ZNF430: variants seen among roughly 807,000 people sequenced by gnomAD.
The protein encoded by ZNF430 is zinc finger protein 430.
ZNF430 carries 35 observed loss-of-function variants against 56.7 expected under a neutral mutation model. That is an observed-to-expected ratio of 0.62 (90% CI 0.47 to 0.82). ZNF430 has a LOEUF of 0.82. ZNF430 is among the 40% of genes least tolerant of loss of function. The pLI is 0.00. For missense variants in ZNF430, 574 were observed against 661.0 expected, an observed-to-expected ratio of 0.87 and a Z score of 1.44; for synonymous variants, 212 against 224.3, an observed-to-expected ratio of 0.94 and a Z score of 0.49.
At position 21,041,418 on chromosome 19, in the gene ZNF430, A is replaced by G. The variant is rs540594808; in HGVS notation, c.322+7234A>G. ...CAAAGTCCTGAGATTACTTTTTTTT[A>G]TTAAGTAGTTTAATTAATTTATATT... On this transcript the variant is annotated intron_variant, in intron 4 of 4. Coordinates refer to ENST00000261560, the MANE Select transcript of ZNF430 (RefSeq NM_025189.4). Among the ~76,000 whole-genome samples, 47 of 152,208 alleles carry G rather than the reference A, an allele frequency of 3.1e-4. 1 individual carries two copies. The highest frequency in any genetic ancestry group is 1.0e-3 in the African/African-American group (42 of 41,562).
chr19:21,033,304 A>C (rs1967935038), intron 2 of ZNF430, 152 bp from the exon 3 acceptor site: 1 of 295,182 alleles, frequency 3.4e-6, no homozygotes, highest in Non-Finnish European at 5.1e-6. Flanking sequence ...CCTCTGTCTC[A>C]AAAAAAAAAA....
At chr19:21,054,761 G>T (rs951976169) in intron 4 of ZNF430, among the ~76,000 whole-genome samples, 2 of 129,200 alleles carry the variant, frequency 1.5e-5, no homozygotes, top group Non-Finnish European at 3.1e-5. Context: ...TATAAGCTCC[G>T]CCTCCCCGGT....
chr19:21,020,862 A>G, intron 1 of ZNF430, 59 bp downstream of exon 1: 2 of 1,611,342 alleles, frequency 1.2e-6, no homozygotes, highest in Admixed American at 1.7e-5. Context: ...AATGGGTGGG[A>G]AGTGGCTGTG....
chr19:21,045,766 T>G (rs1488828014), intron 4 of ZNF430, among the ~76,000 whole-genome samples: 1 of 152,196 alleles, frequency 6.6e-6, no homozygotes, highest in African/African-American at 2.4e-5. Flanking sequence ...CTTGAATTGA[T>G]TCCTTTAGCA....
intron 4 of ZNF430, among the ~76,000 whole-genome samples, chr19:21,042,548 G>A (rs1190959163): frequency 1.3e-5 from 2 of 152,160 alleles, no homozygotes. Context: ...AGCACTTTGG[G>A]GGTGCCGAGG....
In ZNF430 at chr19:21,053,395, A is replaced by T. The variant is rs971311723; in HGVS notation, c.323-3236A>T. The T allele has an allele frequency of 6.6e-5, 10 of 151,866 alleles. No homozygotes were observed. The East Asian group carries it at 1.9e-3, about 29-fold the overall frequency. The allele number at this position is 151,866 out of a possible 1,614,324, so 9.4% of individuals were successfully genotyped here. A position where few individuals can be genotyped will look rare whatever the true frequency, so the allele number is the denominator to read the frequency against. On this transcript the variant is annotated intron_variant, in intron 4 of 4. Transcript: ENST00000261560. ...TTTCTACATTGGTTTTTTTATTTTT[A>T]TTTATTTATTTATTTTGATACAAAG...
intron 4 of ZNF430, among the ~76,000 whole-genome samples, chr19:21,047,320 G>T (rs1251536421): frequency 6.6e-6 from 1 of 152,138 alleles, no homozygotes; most frequent in Non-Finnish European, 1.5e-5. Flanking sequence ...CCCACCTTCT[G>T]AAGCCTACTT....
At chr19:21,056,551 T>C in intron 4 of ZNF430, 80 bp from the exon 5 acceptor site, 1 of 1,102,244 alleles carries the variant, frequency 9.1e-7, no homozygotes, top group South Asian at 2.2e-5. Flanking sequence ...GTAGTTTGTA[T>C]AATTATATGG....
At chr19:21,042,747 C>A (rs563679806) in intron 4 of ZNF430, among the ~76,000 whole-genome samples, 1 of 151,680 alleles carries the variant, frequency 6.6e-6, no homozygotes, top group East Asian at 1.9e-4. Context: ...GAGATCGCGC[C>A]ACTGCACTCT....
At chr19:21,031,197 C>T (rs1042000240) in intron 2 of ZNF430, among the ~76,000 whole-genome samples, 1 of 151,862 alleles carries the variant, frequency 6.6e-6, no homozygotes, top group African/African-American at 2.4e-5. Flanking sequence ...GCCCAGTCTT[C>T]TAATTAGGAT....
intron 2 of ZNF430, among the ~76,000 whole-genome samples, chr19:21,028,796 C>T (rs182961230): frequency 1.7e-3 from 261 of 152,270 alleles, no homozygotes; most frequent in African/African-American, 5.9e-3. Flanking sequence ...AGTGACTCTT[C>T]TGCCTCAGCC....
At chr19:21,024,871 A>G (rs796676564) in intron 2 of ZNF430, among the ~76,000 whole-genome samples, 1 of 152,230 alleles carries the variant, frequency 6.6e-6, no homozygotes, top group African/African-American at 2.4e-5. Context: ...TGAAGTCAGC[A>G]TGTTCTTAGG....
rs762469963 is a variant in ZNF430, at chr19:21,057,884, T to TC, written c.1577dup (p.Thr527AsnfsTer4). The TC allele has an allele frequency of 6.2e-7, 1 of 1,613,740 alleles. No individual in the cohort carries two copies. Among genetic ancestry groups the TC allele is most frequent in the African/African-American group, 1.3e-5 (1 of 74,860 alleles). ...ATGTGATAAAGCCTTTAGCCAGTCT[T>TC]CAACTCTTACTAAACATAAGGTAAT... On this transcript the variant is annotated frameshift_variant, in exon 5 of 5. Coordinates refer to ENST00000261560, the MANE Select transcript of ZNF430 (RefSeq NM_025189.4). LOFTEE classifies it high-confidence loss of function.
chr19:21,021,823 A>ATTTTTTTTT lies in ZNF430; in HGVS notation c.4-944_4-936dup, dbSNP rs71174785. ...TTTCAAAACGATGCGCCTGAGTTAG[A>ATTTTTTTTT]TTTTTTTTTTTTTTTTTTTTTTTTT... On this transcript the variant is annotated intron_variant, in intron 1 of 4. Transcript: ENST00000261560. 1.8e-4 allele frequency among the ~76,000 whole-genome samples: 15 copies of ATTTTTTTTT among 85,698 alleles called. 2 individuals carry two copies. The highest frequency in any genetic ancestry group is 8.0e-4 in the African/African-American group (15 of 18,808). The allele number at this position is 85,698 out of a possible 152,430, so 56.2% of individuals were successfully genotyped here.
intron 4 of ZNF430, among the ~76,000 whole-genome samples, chr19:21,041,479 C>T (rs994510830): frequency 2.0e-5 from 3 of 151,998 alleles, no homozygotes; most frequent in Non-Finnish European, 4.4e-5. Context: ...GTTACTATTA[C>T]CAGTTTCATT....
At chr19:21,030,912 T>TC (rs1967891196) in intron 2 of ZNF430, among the ~76,000 whole-genome samples, 1 of 152,102 alleles carries the variant, frequency 6.6e-6, no homozygotes, top group Non-Finnish European at 1.5e-5. Flanking sequence ...AGACAGGATC[T>TC]CACTCTGTCA....
At chr19:21,042,848 A>G (rs1483949448) in intron 4 of ZNF430, among the ~76,000 whole-genome samples, 2 of 152,002 alleles carry the variant, frequency 1.3e-5, no homozygotes, top group Non-Finnish European at 2.9e-5. Context: ...ATGGTATGTA[A>G]TTCTGGTTTT....
At chr19:21,053,906 A>C (rs1968326792) in intron 4 of ZNF430, among the ~76,000 whole-genome samples, 1 of 150,810 alleles carries the variant, frequency 6.6e-6, no homozygotes, top group Non-Finnish European at 1.5e-5. Flanking sequence ...CTTCTTTCTT[A>C]TTTTGTTTGT....
At chr19:21,038,532 A>T (rs2144768446) in intron 4 of ZNF430, among the ~76,000 whole-genome samples, 1 of 151,924 alleles carries the variant, frequency 6.6e-6, no homozygotes, top group Admixed American at 6.5e-5. Flanking sequence ...GGTTTCAGCG[A>T]TTATTCTGCC....
Sources: gnomAD v4.1 joint callset for allele counts (sites outside exome capture counted in the v4.1 genomes callset) on GRCh38, gnomAD v4.1.1 for gene constraint, MANE v1.5 for transcripts, NCBI Gene and HGNC (gene_info 2026-07-23, HGNC 2026-07-21) for gene names.